The following PKNOX2 variants were observed in gnomAD, a reference collection of about 807,000 sequenced individuals.
The protein encoded by PKNOX2 is PBX/knotted 1 homeobox 2.
In PKNOX2, 14 loss-of-function variants were observed where a neutral mutation model predicts 53.1. The ratio of observed to expected loss-of-function variants is 0.26; its 90% CI spans 0.17 to 0.41. PKNOX2 has a LOEUF of 0.41. PKNOX2 is among the 10% of genes least tolerant of loss of function. The probability of loss-of-function intolerance (pLI) is 1.00; values close to 1 mark genes in which losing one functional copy is unlikely to be tolerated. For missense variants in PKNOX2, 496 were observed against 602.8 expected (o/e 0.82, Z 1.85); for synonymous variants, 257 against 242.8 (o/e 1.06, Z -0.54).
chr11:125,311,419 T>C (rs540367592), intron 2 of PKNOX2, among the ~76,000 whole-genome samples: 3 of 151,998 alleles, frequency 2.0e-5, no homozygotes, highest in Non-Finnish European at 4.4e-5. Context: ...TTAGACACCA[T>C]GGAGGAGGCA....
At chr11:125,259,338 A>G (rs549997237) in intron 2 of PKNOX2, among the ~76,000 whole-genome samples, 1 of 152,354 alleles carries the variant, frequency 6.6e-6, no homozygotes, top group South Asian at 2.1e-4. Flanking sequence ...GGCAGGACAT[A>G]CATAAGGTAA....
At chr11:125,189,435 GTGTGTGTGTGTGTATATATA>G (rs1346334600) in intron 1 of PKNOX2, among the ~76,000 whole-genome samples, 77 of 79,580 alleles carry the variant, frequency 9.7e-4, no homozygotes, top group African/African-American at 1.3e-3. Flanking sequence ...GTGTGTGTGT[GTGTGTGTGTGTGTATATATA>G]TATATATATA....
At chr11:125,178,692 GAGAGAGAA>G (rs1271489622) in intron 1 of PKNOX2, among the ~76,000 whole-genome samples, 6 of 124,268 alleles carry the variant, frequency 4.8e-5, no homozygotes, top group Non-Finnish European at 6.2e-5. Context: ...GAGAGAGAGA[GAGAGAGAA>G]AGAAAGAAAG....
intron 1 of PKNOX2, among the ~76,000 whole-genome samples, chr11:125,194,108 T>C (rs953173511): frequency 2.0e-5 from 3 of 152,220 alleles, no homozygotes; most frequent in Admixed American, 6.5e-5. Context: ...AAGTCAAACC[T>C]AGATGCCTTT....
intron 12 of PKNOX2, 126 bp downstream of exon 12, chr11:125,430,267 A>G (rs1288130150): frequency 8.7e-7 from 1 of 1,143,276 alleles, no homozygotes; most frequent in Non-Finnish European, 1.2e-6. Flanking sequence ...GCCATGCCAC[A>G]GTGATTATCC....
At chr11:125,397,819 C>A in intron 6 of PKNOX2, 55 bp from the exon 7 acceptor site, 3 of 1,529,842 alleles carry the variant, frequency 2.0e-6, no homozygotes, top group Non-Finnish European at 2.7e-6. Context: ...GGGGTCCAGG[C>A]AGTGAGGGAA....
intron 1 of PKNOX2, among the ~76,000 whole-genome samples, chr11:125,203,113 C>T (rs1430432856): frequency 1.3e-5 from 2 of 152,122 alleles, no homozygotes; most frequent in African/African-American, 4.8e-5. Flanking sequence ...GTACAGAGTT[C>T]AGGCTAGGAC....
chr11:125,410,072 TG>T, intron 7 of PKNOX2, 123 bp from the exon 8 acceptor site: 2 of 1,337,250 alleles, frequency 1.5e-6, no homozygotes, highest in Middle Eastern at 1.9e-4. Flanking sequence ...GACCTGGGTC[TG>T]GGGAGGAGCT....
At chr11:125,316,111 G>A (rs1389320229) in intron 2 of PKNOX2, among the ~76,000 whole-genome samples, 3 of 152,170 alleles carry the variant, frequency 2.0e-5, no homozygotes, top group African/African-American at 7.2e-5. Flanking sequence ...TTCTCATGGA[G>A]CCCACGATGG....
At chr11:125,320,732 G>A (rs1386896805) in intron 2 of PKNOX2, among the ~76,000 whole-genome samples, 1 of 152,136 alleles carries the variant, frequency 6.6e-6, no homozygotes, top group Admixed American at 6.5e-5. Flanking sequence ...CATTTGCTGT[G>A]TAAAGATGCT....
At chr11:125,371,874 G>T (rs1321938862) in intron 5 of PKNOX2, among the ~76,000 whole-genome samples, 1 of 152,190 alleles carries the variant, frequency 6.6e-6, no homozygotes, top group African/African-American at 2.4e-5. Context: ...TGCAGGTCAG[G>T]GATAGAGGGT....
chr11:125,426,117 C>G (rs1038183700), intron 10 of PKNOX2, among the ~76,000 whole-genome samples: 1 of 152,194 alleles, frequency 6.6e-6, no homozygotes, highest in East Asian at 1.9e-4. Flanking sequence ...TCCTTAGAGA[C>G]AGCAAACATT....
chr11:125,204,490 G>A (rs897744512), intron 1 of PKNOX2, among the ~76,000 whole-genome samples: 1 of 152,120 alleles, frequency 6.6e-6, no homozygotes, highest in African/African-American at 2.4e-5. Flanking sequence ...AAAAGTCATC[G>A]ATGGCCTGTG....
chr11:125,185,412 A>T (rs970511626), intron 1 of PKNOX2, among the ~76,000 whole-genome samples: 12 of 152,194 alleles, frequency 7.9e-5, no homozygotes, highest in South Asian at 2.1e-4. Context: ...CAAGTGTGCA[A>T]TTCAGTGGCA....
At chr11:125,185,426 C>T (rs1490433219) in intron 1 of PKNOX2, among the ~76,000 whole-genome samples, 1 of 152,174 alleles carries the variant, frequency 6.6e-6, no homozygotes, top group Non-Finnish European at 1.5e-5. Flanking sequence ...AGTGGCATTA[C>T]ATTCACACAG....
chr11:125,369,430 G>A (rs1271827403), intron 5 of PKNOX2, among the ~76,000 whole-genome samples: 1 of 152,218 alleles, frequency 6.6e-6, no homozygotes, highest in Non-Finnish European at 1.5e-5. Context: ...CCTTCCCTCT[G>A]CCCTTCCCTC....
At chr11:125,193,393 T>A (rs1956994455) in intron 1 of PKNOX2, among the ~76,000 whole-genome samples, 1 of 152,212 alleles carries the variant, frequency 6.6e-6, no homozygotes, top group Non-Finnish European at 1.5e-5. Flanking sequence ...GAAGTTGCCC[T>A]GCATCTTTCT....
chr11:125,235,268 T>C (rs905474578), intron 2 of PKNOX2, among the ~76,000 whole-genome samples, 153 bp downstream of exon 2: 8 of 152,232 alleles, frequency 5.3e-5, no homozygotes, highest in African/African-American at 1.9e-4. Context: ...GAGCTCTAAT[T>C]AGATTATGTC....
At chr11:125,333,809 T>C (rs1950277830) in intron 3 of PKNOX2, among the ~76,000 whole-genome samples, 1 of 152,188 alleles carries the variant, frequency 6.6e-6, no homozygotes, top group Non-Finnish European at 1.5e-5. Context: ...CCTTTTTATT[T>C]TCTAATTCTC....
Sources: gnomAD v4.1 joint callset for allele counts (sites outside exome capture counted in the v4.1 genomes callset) on GRCh38, gnomAD v4.1.1 for gene constraint, MANE v1.5 for transcripts, NCBI Gene and HGNC (gene_info 2026-07-23, HGNC 2026-07-21) for gene names.